TJAP1: variants seen among roughly 807,000 people sequenced by gnomAD.
TJAP1 encodes tight junction associated protein 1.
Under a neutral mutation model 42.0 loss-of-function variants are expected in TJAP1, and 27 were observed. That is an observed-to-expected ratio of 0.64 (90% CI 0.47 to 0.89). The LOEUF is 0.89. Ranked by LOEUF, TJAP1 falls within the 40% of genes least tolerant of loss-of-function variation. TJAP1 has a pLI of 0.00. For missense variants in TJAP1, 712 were observed against 726.9 expected (o/e 0.98, Z 0.24); for synonymous variants, 257 against 288.4 (o/e 0.89, Z 1.10).
intron 2 of TJAP1, among the ~76,000 whole-genome samples, chr6:43,494,270 A>AGCAAAGAATGAATGCTAT (rs1475945972): frequency 6.6e-6 from 1 of 152,200 alleles, no homozygotes; most frequent in Admixed American, 6.5e-5. Flanking sequence ...TTTTTGAGTA[A>AGCAAAGAATGAATGCTAT]GCAAAGAATG....
chr6:43,482,035 G>A (rs185514483), intron 2 of TJAP1, among the ~76,000 whole-genome samples: 1 of 152,312 alleles, frequency 6.6e-6, no homozygotes, highest in Admixed American at 6.5e-5. Flanking sequence ...ATTTTGAGAA[G>A]CAGACGGTAT....
chr6:43,484,286 C>G (rs865829546), intron 2 of TJAP1, among the ~76,000 whole-genome samples: 1 of 151,948 alleles, frequency 6.6e-6, no homozygotes, highest in African/African-American at 2.4e-5. Flanking sequence ...TGGTGAAGCC[C>G]TGTCTCTACC....
chr6:43,505,060 T>G lies in TJAP1; in HGVS notation c.879T>G (p.Ser293=), dbSNP rs1791978241. The G allele has an allele frequency of 6.2e-7, 1 of 1,613,894 alleles. No individual in the cohort carries two copies. The highest frequency in any genetic ancestry group is 1.7e-5 in the Admixed American group (1 of 60,004). Residue 293 remains serine, a synonymous_variant, in exon 11 of 11, where the codon TCT becomes TCG. Transcript: ENST00000372449. The surrounding 1 kb of genome is among the most constrained non-coding windows in gnomAD (Gnocchi z 5.5). ...CACAACCCAATGGGGAGTGCCACTC[T>G]CTGGGTACTGCCAGGGGCTCCCCGG... is the stretch of plus-strand genomic sequence containing the variant.
chr6:43,503,546 G>A (rs1791461202), intron 9 of TJAP1, 38 bp downstream of exon 9: 1 of 1,611,036 alleles, frequency 6.2e-7, no homozygotes, highest in African/African-American at 1.3e-5. Context: ...CCTCACCTGG[G>A]GCTAGCTTTG....
chr6:43,501,571 C>T (rs148362940), exon 6 of TJAP1: 33 of 1,614,010 alleles, frequency 2.0e-5, no homozygotes, highest in African/African-American at 2.7e-5. Flanking sequence ...GCCTGGCCTC[C>T]GCCACCAGAC....
intron 2 of TJAP1, among the ~76,000 whole-genome samples, chr6:43,494,648 CT>C (rs775378416): frequency 0.022 from 2,552 of 114,328 alleles, 31 homozygotes; most frequent in African/African-American, 0.091. Context: ...TGTTGATTTC[CT>C]TTTTTTTTTT....
At chr6:43,488,909 A>G (rs1787170952) in intron 2 of TJAP1, among the ~76,000 whole-genome samples, 1 of 152,172 alleles carries the variant, frequency 6.6e-6, no homozygotes, top group African/African-American at 2.4e-5. Context: ...GTCTGCGTGA[A>G]TCTTGATCCT....
At chr6:43,481,114 G>T (rs572969253) in intron 2 of TJAP1, among the ~76,000 whole-genome samples, 26 of 152,256 alleles carry the variant, frequency 1.7e-4, no homozygotes, top group South Asian at 1.7e-3. Flanking sequence ...TATTGTAGTA[G>T]AATTTTTTTT....
At position 43,503,582 on chromosome 6, in the gene TJAP1, A is replaced by G. The variant is rs778930598; in HGVS notation, c.496-41A>G. The G allele has an allele frequency of 3.2e-5, 52 of 1,611,942 alleles. 1 individual carries two copies. The East Asian group carries it at 9.1e-4, about 28-fold the overall frequency. On this transcript the variant is annotated intron_variant, in intron 9 of 10. Transcript: ENST00000372449. ...TCCTGGCTCGGCCCTGCTTCCTTGG[A>G]GAGGGCTGGGCTGGGCTCTGAAACA...
At chr6:43,486,966 A>T (rs539424670) in intron 2 of TJAP1, among the ~76,000 whole-genome samples, 16 of 152,266 alleles carry the variant, frequency 1.1e-4, no homozygotes, top group Middle Eastern at 3.4e-3. Context: ...ATCTTTGCAG[A>T]TGGCAACTTG....
intron 6 of TJAP1, among the ~76,000 whole-genome samples, chr6:43,502,050 A>ACG: frequency 1.0e-5 from 1 of 98,098 alleles, no homozygotes; most frequent in African/African-American, 5.4e-5. Flanking sequence ...ATGCGGGGAC[A>ACG]CACACACACA....
intron 3 of TJAP1, 55 bp downstream of exon 3, chr6:43,498,032 A>G (rs1009299120): frequency 1.2e-4 from 18 of 151,840 alleles, no homozygotes; most frequent in African/African-American, 4.1e-4. Context: ...GGGGAGGGGC[A>G]GGTGAGGGGG....
At chr6:43,503,541 C>T in intron 9 of TJAP1, 33 bp downstream of exon 9, 1 of 1,610,944 alleles carries the variant, frequency 6.2e-7, no homozygotes, top group African/African-American at 1.3e-5. Flanking sequence ...GCCTTCCTCA[C>T]CTGGGGCTAG....
rs531792938 is a variant in TJAP1, at chr6:43,491,439, C to T, written c.-121-6442C>T. On this transcript the variant is annotated intron_variant, in intron 2 of 10. Coordinates refer to ENST00000372449, the Ensembl canonical transcript of TJAP1. This position sits in a 1 kb window ranked among gnomAD's most constrained non-coding sequence, Gnocchi z 4.6. ...CCGAGTAGCTGGGATTACAGGCATG[C>T]GCCACCACGCCCGGCTCATTTTGTA... Among the ~76,000 whole-genome samples the T allele has an allele frequency of 2.4e-4, 37 of 152,084 alleles. No homozygotes were observed. Among genetic ancestry groups the T allele is most frequent in the African/African-American group, 8.4e-4 (35 of 41,494 alleles).
Position 43,491,994 on chromosome 6 carries a change from TAGG to T in TJAP1, c.-121-5884_-121-5882del, listed in dbSNP as rs565873599. Among the ~76,000 whole-genome samples the T allele has an allele frequency of 2.4e-4, 37 of 152,330 alleles. No homozygotes were observed. The highest frequency in any genetic ancestry group is 8.9e-4 in the African/African-American group (37 of 41,578). On this transcript the variant is annotated intron_variant, in intron 2 of 10. Coordinates refer to ENST00000372449, the Ensembl canonical transcript of TJAP1. This position sits in a 1 kb window ranked among gnomAD's most constrained non-coding sequence, Gnocchi z 4.6. ...GCCGGTCCTTCACTTTGGCCTTTCT[TAGG>T]AGAGGGCATGGGGTCTAATGTCAAA...
rs770256095 is a variant in TJAP1 at position 43,505,176 on chromosome 6, T to G, written c.995T>G (p.Ile332Arg). 1 of 1,614,108 alleles carries G rather than the reference T, an allele frequency of 6.2e-7. No individual in the cohort carries two copies. The highest frequency in any genetic ancestry group is 1.1e-5 in the South Asian group (1 of 91,086). The change falls in exon 11 of 11, where the codon ATA becomes AGA. Residue 332 changes from isoleucine to arginine, a missense_variant. Physicochemically the swap from Ile to Arg is moderately conservative, Grantham distance 97. This residue lies in a region of TJAP1 where 549 missense variants were observed against 528.2 expected (regional missense o/e 1.04). Coordinates refer to ENST00000372449, the Ensembl canonical transcript of TJAP1. This position sits in a 1 kb window ranked among gnomAD's most constrained non-coding sequence, Gnocchi z 5.5. ...CCACTGTATCCTGGCCGCAGGGTAA[T>G]AGAGTTCTCTGAGGATAAGGTTCGG...
chr6:43,501,579 G>C, exon 6 of TJAP1: 2 of 1,614,102 alleles, frequency 1.2e-6, no homozygotes, highest in Non-Finnish European at 8.5e-7. Flanking sequence ...TCCGCCACCA[G>C]ACGCACTGAG....
At position 43,477,639 on chromosome 6, in the gene TJAP1, G is replaced by C. The variant is rs2127435336; in HGVS notation, c.-268+11G>C. On this transcript the variant is annotated intron_variant, in intron 1 of 10. Transcript: ENST00000372449. Reference sequence around the variant, plus strand: ...TGGCAGCGGCGGAAAGTTTGTTGTGGGGTTGGAGTAGTCGGGCGGGGAAGC... The same window carrying C: ...TGGCAGCGGCGGAAAGTTTGTTGTGCGGTTGGAGTAGTCGGGCGGGGAAGC... 1 of 152,642 alleles carries C rather than the reference G, an allele frequency of 6.6e-6. No individual in the cohort carries two copies. Among genetic ancestry groups the C allele is most frequent in the African/African-American group, 2.4e-5 (1 of 41,590 alleles). 9.5% of individuals were successfully genotyped at this position (152,642 alleles called of 1,614,324 possible).
At chr6:43,484,082 C>CA (rs202198214) in intron 2 of TJAP1, among the ~76,000 whole-genome samples, 2,942 of 143,446 alleles carry the variant, frequency 0.021, 114 homozygotes, top group East Asian at 0.18. Flanking sequence ...AAATTAAAAA[C>CA]AAAAAAAAAA....
Sources: allele counts gnomAD v4.1 joint callset (sites outside exome capture counted in the v4.1 genomes callset), GRCh38; gene constraint gnomAD v4.1.1; regional missense constraint gnomAD v4.1.1; non-coding constraint Gnocchi (gnomAD v3.1); transcripts MANE v1.5; gene names NCBI Gene and HGNC (gene_info 2026-07-23, HGNC 2026-07-21).